TTBK2: variants seen among roughly 807,000 people sequenced by gnomAD.
TTBK2 encodes the protein tau-tubulin kinase 2.
TTBK2 carries 28 observed loss-of-function variants against 110.8 expected under a neutral mutation model. The ratio of observed to expected loss-of-function variants is 0.25; its 90% CI spans 0.19 to 0.35. The LOEUF (loss-of-function observed/expected upper bound fraction) is 0.35, where lower values mean the gene tolerates loss of function less well. TTBK2 is among the 10% of genes least tolerant of loss of function. TTBK2 has a pLI of 1.00. For synonymous variants in TTBK2, 532 were observed against 527.3 expected (o/e 1.01, Z -0.12); for missense variants, 1,369 against 1,500.3 (o/e 0.91, Z 1.45).
chr15:42,895,731 G>A (rs528175264), intron 1 of TTBK2, among the ~76,000 whole-genome samples: 1 of 151,992 alleles, frequency 6.6e-6, no homozygotes, highest in South Asian at 2.1e-4. Context: ...TAGAGACGGG[G>A]TTTCACCGTG....
intron 4 of TTBK2, among the ~76,000 whole-genome samples, chr15:42,832,919 T>G (rs1892822747): frequency 6.6e-6 from 1 of 152,128 alleles, no homozygotes; most frequent in Non-Finnish European, 1.5e-5. Context: ...TGTAAGTACA[T>G]TAATAAGTGA....
rs556833829 is a variant in TTBK2 at position 42,741,568 on chromosome 15, G to C, written c.*4227C>G. 6.6e-6 allele frequency: 1 copy of C among 152,192 alleles called. No homozygotes were observed. Among genetic ancestry groups the C allele is most frequent in the African/African-American group, 2.4e-5 (1 of 41,448 alleles). 9.4% of individuals were successfully genotyped at this position (152,192 alleles called of 1,614,324 possible). On this transcript the variant is annotated 3_prime_UTR_variant, in exon 15 of 15. Transcript: ENST00000267890. The stretch of plus-strand genomic sequence containing the variant: ...CAAAGTCCCGACACATCTGTGGTAA[G>C]TGCACATAAACAGAAATGGGCAGAT...
intron 10 of TTBK2, among the ~76,000 whole-genome samples, chr15:42,794,007 C>G (rs1320700130): frequency 1.3e-5 from 2 of 150,628 alleles, no homozygotes; most frequent in African/African-American, 2.4e-5. Context: ...CCTCTAACTC[C>G]TGGGCTCAAG....
At chr15:42,756,924 T>C (rs1051339159) in intron 13 of TTBK2, among the ~76,000 whole-genome samples, 1 of 151,796 alleles carries the variant, frequency 6.6e-6, no homozygotes, top group African/African-American at 2.4e-5. Context: ...TAAAAATATA[T>C]ATGAATCACC....
chr15:42,873,277 T>C (rs1231682140), intron 2 of TTBK2, among the ~76,000 whole-genome samples: 4 of 151,862 alleles, frequency 2.6e-5, no homozygotes, highest in East Asian at 1.9e-4. Context: ...TACTAAAAAA[T>C]ACAAAAATTA....
At chr15:42,838,856 A>G (rs1015060554) in intron 4 of TTBK2, among the ~76,000 whole-genome samples, 5 of 152,190 alleles carry the variant, frequency 3.3e-5, no homozygotes, top group African/African-American at 1.2e-4. Flanking sequence ...GTTACTGATG[A>G]AAAGAAAAAG....
chr15:42,813,442 A>G (rs967444789), intron 7 of TTBK2, among the ~76,000 whole-genome samples: 1 of 152,118 alleles, frequency 6.6e-6, no homozygotes. Context: ...GGGCTGCTTG[A>G]GCCCAGGAGG....
At chr15:42,802,178 C>T (rs1891246409) in intron 9 of TTBK2, 3 of 1,276,240 alleles carry the variant, frequency 2.4e-6, no homozygotes, top group Non-Finnish European at 3.4e-6. Flanking sequence ...GGGTCCACCT[C>T]CAGGTTAAGA....
Position 42,745,555 on chromosome 15 carries a change from C to G in TTBK2, c.*240G>C. The G allele has an allele frequency of 1.8e-6, 1 of 552,606 alleles. No homozygotes were observed. Among genetic ancestry groups the G allele is most frequent in the Non-Finnish European group, 3.2e-6 (1 of 310,524 alleles). 34.2% of individuals were successfully genotyped at this position (552,606 alleles called of 1,614,324 possible). On this transcript the variant is annotated 3_prime_UTR_variant, in exon 15 of 15. Transcript: ENST00000267890. Reference sequence around the variant, plus strand: ...AGAGCTCATTTTAATGAGTTTCTCCCCCTTGGATTTTTGCTCTATTTTTCC... The same window carrying G: ...AGAGCTCATTTTAATGAGTTTCTCCGCCTTGGATTTTTGCTCTATTTTTCC...
chr15:42,918,940 CT>C (rs1172434028), intron 1 of TTBK2, among the ~76,000 whole-genome samples: 1 of 152,122 alleles, frequency 6.6e-6, no homozygotes, highest in Non-Finnish European at 1.5e-5. Context: ...TTTGCATCAA[CT>C]TGATATTATA....
At chr15:42,849,489 G>A (rs564730394) in intron 3 of TTBK2, among the ~76,000 whole-genome samples, 1 of 152,162 alleles carries the variant, frequency 6.6e-6, no homozygotes, top group East Asian at 1.9e-4. Context: ...ATTCAGATTT[G>A]TCTGATTCTT....
chr15:42,780,499 T>C (rs1402596786), intron 11 of TTBK2, among the ~76,000 whole-genome samples: 5 of 152,020 alleles, frequency 3.3e-5, no homozygotes, highest in Non-Finnish European at 7.4e-5. Context: ...TAAAAATAAC[T>C]GGGAAATTTC....
intron 3 of TTBK2, among the ~76,000 whole-genome samples, chr15:42,865,504 T>C (rs1030678867): frequency 9.4e-6 from 1 of 106,664 alleles, no homozygotes; most frequent in African/African-American, 5.2e-5. Flanking sequence ...AAGACAAAAA[T>C]AATAATACTA....
At chr15:42,821,459 T>C (rs1030877528) in intron 6 of TTBK2, among the ~76,000 whole-genome samples, 2 of 152,232 alleles carry the variant, frequency 1.3e-5, no homozygotes, top group African/African-American at 4.8e-5. Context: ...TACAGTTCTA[T>C]GAGTTTTGAC....
At chr15:42,916,197 T>A (rs1280991960) in intron 1 of TTBK2, among the ~76,000 whole-genome samples, 2 of 152,226 alleles carry the variant, frequency 1.3e-5, no homozygotes, top group African/African-American at 2.4e-5. Context: ...ATCTACCATA[T>A]AATTTAGCCT....
chr15:42,775,611 C>T lies in TTBK2; in HGVS notation c.1522G>A (p.Asp508Asn). 6.2e-7 allele frequency: 1 copy of T among 1,614,050 alleles called. No individual in the cohort carries two copies. Among genetic ancestry groups the T allele is most frequent in the Non-Finnish European group, 8.5e-7 (1 of 1,179,962 alleles). Residue 508 changes from aspartate to asparagine, a missense_variant, in exon 13 of 15, where the codon GAT becomes AAT. Coordinates refer to ENST00000267890, the MANE Select transcript of TTBK2 (RefSeq NM_173500.4). Reference protein sequence around the residue: ...VSRTDHIWHYDEEYLPDASKP... With the variant: ...VSRTDHIWHYNEEYLPDASKP... ...GAGGCATCTGGAAGATATTCTTCAT[C>T]ATAGTGCCAGATGTGGTCAGTACGG...
In TTBK2 at chr15:42,745,339, T is replaced by A. The variant is rs138240929; in HGVS notation, c.*456A>T. The A allele has an allele frequency of 5.1e-6, 1 of 196,708 alleles. No individual in the cohort carries two copies. Among genetic ancestry groups the A allele is most frequent in the Non-Finnish European group, 1.1e-5 (1 of 94,408 alleles). 12.2% of individuals were successfully genotyped at this position (196,708 alleles called of 1,614,324 possible). Reference sequence around the variant, plus strand: ...AATACTGGCTCCCTGGCAACAGACTTCTTATATAATCTAATATCTGATCAA... The same window carrying A: ...AATACTGGCTCCCTGGCAACAGACTACTTATATAATCTAATATCTGATCAA... On this transcript the variant is annotated 3_prime_UTR_variant, in exon 15 of 15. Transcript: ENST00000267890.
At chr15:42,754,142 G>GGTGT (rs1375666243) in intron 13 of TTBK2, among the ~76,000 whole-genome samples, 2 of 148,926 alleles carry the variant, frequency 1.3e-5, no homozygotes, top group African/African-American at 5.0e-5. Flanking sequence ...AAGTGTAAGT[G>GGTGT]GTGTGATCTT....
Position 42,858,636 on chromosome 15 carries a change from C to T in TTBK2, c.217+13975G>A, listed in dbSNP as rs56867264. ...TACAAAGCCGAACAAGTGAAAAAAT[C>T]ACCAACTCTTCTTAGAGCAAACTGC... is the stretch of plus-strand genomic sequence containing the variant. On this transcript the variant is annotated intron_variant, in intron 3 of 14. Coordinates refer to ENST00000267890, the MANE Select transcript of TTBK2 (RefSeq NM_173500.4). Among the ~76,000 whole-genome samples the T allele has an allele frequency of 8.2e-3, 1,246 of 152,238 alleles. 17 individuals are homozygous for T. Among genetic ancestry groups the T allele is most frequent in the African/African-American group, 0.029 (1,206 of 41,532 alleles).
Sources: allele counts gnomAD v4.1 joint callset (sites outside exome capture counted in the v4.1 genomes callset), GRCh38; gene constraint gnomAD v4.1.1; transcripts MANE v1.5; gene names NCBI Gene and HGNC (gene_info 2026-07-23, HGNC 2026-07-21).